ITPR1: variants seen among roughly 807,000 people sequenced by gnomAD.
ITPR1 encodes inositol 1,4,5-trisphosphate-gated calcium channel ITPR1.
ITPR1 carries 96 observed loss-of-function variants against 318.4 expected under a neutral mutation model. The ratio of observed to expected loss-of-function variants is 0.30; its 90% confidence interval spans 0.26 to 0.36. ITPR1 has a LOEUF of 0.36. Ranked by LOEUF, ITPR1 falls within the 10% of genes least tolerant of loss-of-function variation. The pLI is 1.00. For missense variants in ITPR1, 2,440 were observed against 3,460.2 expected (o/e 0.71, Z 7.40); for synonymous variants, 1,312 against 1,289.9 (o/e 1.02, Z -0.37).
chr3:4,811,478 T>C lies in ITPR1; in HGVS notation c.7468+18T>C, dbSNP rs745572215. The C allele has an allele frequency of 1.3e-6, 2 of 1,597,820 alleles. No homozygotes were observed. The highest frequency in any genetic ancestry group is 1.7e-6 in the Non-Finnish European group (2 of 1,168,574). On this transcript the variant is annotated intron_variant, in intron 56 of 61. Transcript: ENST00000649015. ...TGTTCCAGGTGGGTTTGGGATCTTC[T>C]GATCTTTTTAATGCTAAAAGATTAT...
In ITPR1 at chr3:4,818,069, G is replaced by A. The variant is rs374041765; in HGVS notation, c.7868-13G>A. ...GCTCAGCTGGGGCTGGGGGCTTTTTGTCTCATTTTTAGGCTTGGAAAGAGA... is the reference window on the plus strand; with the variant it reads ...GCTCAGCTGGGGCTGGGGGCTTTTTATCTCATTTTTAGGCTTGGAAAGAGA... On this transcript the variant is annotated splice_polypyrimidine_tract_variant and intron_variant, in intron 59 of 61. Transcript: ENST00000649015. 46 of 1,586,410 alleles carry A rather than the reference G, an allele frequency of 2.9e-5. No homozygotes were observed. Among genetic ancestry groups the A allele is most frequent in the Non-Finnish European group, 4.0e-5 (46 of 1,161,682 alleles).
At chr3:4,771,975 G>T (rs1181015848) in intron 46 of ITPR1, among the ~76,000 whole-genome samples, 1 of 152,164 alleles carries the variant, frequency 6.6e-6, no homozygotes. Flanking sequence ...CCAGGGTTCT[G>T]CAGGGCCCAG....
chr3:4,639,440 G>T lies in ITPR1; in HGVS notation c.336G>T (p.Gly112=), dbSNP rs765293787. 4 of 1,582,636 alleles carry T rather than the reference G, an allele frequency of 2.5e-6. No individual in the cohort carries two copies. Among genetic ancestry groups the T allele is most frequent in the Non-Finnish European group, 3.4e-6 (4 of 1,163,968 alleles). ...QNETENRKLL[G]TVIQYGNVIQ... Reference sequence around the variant, plus strand: ...AGACAGAAAACAGGAAATTGCTGGGGACCGTAATCCAGTATGGCAATGTGA... The same window carrying T: ...AGACAGAAAACAGGAAATTGCTGGGTACCGTAATCCAGTATGGCAATGTGA... The change falls in exon 6 of 62, where the codon GGG becomes GGT. Residue 112 remains glycine (G), a synonymous_variant. Coordinates refer to ENST00000649015, the MANE Select transcript of ITPR1 (RefSeq NM_001378452.1).
chr3:4,511,427 G>A (rs2081815755), intron 2 of ITPR1, among the ~76,000 whole-genome samples: 1 of 152,142 alleles, frequency 6.6e-6, no homozygotes, highest in South Asian at 2.1e-4. Context: ...GTGTCTCCCA[G>A]AGGCAGTGAT....
At position 4,516,471 on chromosome 3, in the gene ITPR1, T is replaced by A. The variant is rs1168410650; in HGVS notation, c.-16-5T>A. On this transcript the variant is annotated splice_polypyrimidine_tract_variant and splice_region_variant and intron_variant, in intron 2 of 61. Transcript: ENST00000649015. ...TAACAATGCTGCATATTTTACTTTG[T>A]CTAGGATTTTCAAGAAAGACATGTC... The A allele has an allele frequency of 7.1e-6, 10 of 1,409,814 alleles. No homozygotes were observed. Among genetic ancestry groups the A allele is most frequent in the Non-Finnish European group, 9.8e-6 (10 of 1,022,374 alleles). The allele number at this position is 1,409,814 out of a possible 1,614,324, so 87.3% of individuals were successfully genotyped here.
At chr3:4,635,569 T>A (rs1466488207) in intron 5 of ITPR1, among the ~76,000 whole-genome samples, 5 of 151,736 alleles carry the variant, frequency 3.3e-5, no homozygotes, top group Non-Finnish European at 5.9e-5. Flanking sequence ...ATGGTCTCGA[T>A]CTCCTGACCT....
intron 2 of ITPR1, among the ~76,000 whole-genome samples, chr3:4,499,841 T>C (rs1181365407): frequency 2.6e-5 from 4 of 152,218 alleles, no homozygotes; most frequent in African/African-American, 9.6e-5. Context: ...CTCACTATGT[T>C]GCCTCGGCTG....
Position 4,814,323 on chromosome 3 carries a change from G to A in ITPR1, c.7562-100G>A, listed in dbSNP as rs951219484. ...CTTGATTCCTTAATTTTATTCTTTC[G>A]TGTGCCTGGTGAGATGGCATTCAGG... On this transcript the variant is annotated intron_variant, in intron 57 of 61. Transcript: ENST00000649015. 34 of 1,237,626 alleles carry A rather than the reference G, an allele frequency of 2.7e-5. 1 individual carries two copies. The highest frequency in any genetic ancestry group is 6.0e-5 in the African/African-American group (4 of 66,970). The allele number at this position is 1,237,626 out of a possible 1,614,324, so 76.7% of individuals were successfully genotyped here.
At chr3:4,745,066 G>T (rs35798660) in intron 44 of ITPR1, among the ~76,000 whole-genome samples, 147,464 of 147,512 alleles carry the variant, frequency 1, 73,708 homozygotes, top group Middle Eastern at 1. Flanking sequence ...TTCTCTTTCT[G>T]TGTTTTCTTT....
intron 5 of ITPR1, among the ~76,000 whole-genome samples, chr3:4,632,411 A>G (rs2093042252): frequency 1.3e-5 from 2 of 152,180 alleles, no homozygotes; most frequent in African/African-American, 4.8e-5. Flanking sequence ...ACAGGAATAA[A>G]GTGGGCTTGG....
At chr3:4,697,717 G>T (rs960087318) in intron 34 of ITPR1, among the ~76,000 whole-genome samples, 1 of 151,976 alleles carries the variant, frequency 6.6e-6, no homozygotes, top group Non-Finnish European at 1.5e-5. Context: ...CTCCCAAAGT[G>T]CTAGGATTAG....
chr3:4,663,073 C>A lies in ITPR1; in HGVS notation c.1421C>A (p.Thr474Asn). Residue 474 changes from threonine to asparagine, a missense_variant, in exon 16 of 62, where the codon ACC becomes AAC. Physicochemically the swap from Thr to Asn is moderately conservative, Grantham distance 65 (BLOSUM62 0). Around this residue, in one of 23 missense-constraint regions of ITPR1, gnomAD observed 478 missense variants for 696.3 expected, o/e 0.69. Coordinates refer to ENST00000649015, the MANE Select transcript of ITPR1 (RefSeq NM_001378452.1). ...GCGTCTTTCCTCCTAAGGTCTGTAA[C>A]CAAGCTGCTAGAAGATTTGGTTTAC... ...TITQNERRSV[T>N]KLLEDLVYFV... 1 of 1,613,576 alleles carries A rather than the reference C, an allele frequency of 6.2e-7. No homozygotes were observed. The highest frequency in any genetic ancestry group is 8.5e-7 in the Non-Finnish European group (1 of 1,179,632).
chr3:4,618,197 T>C (rs551371007), intron 4 of ITPR1, among the ~76,000 whole-genome samples: 8 of 152,288 alleles, frequency 5.3e-5, no homozygotes, highest in African/African-American at 1.9e-4. Context: ...TTTAAAATGG[T>C]TAATTTTATA....
At chr3:4,677,087 C>T (rs1010980866) in intron 24 of ITPR1, among the ~76,000 whole-genome samples, 1 of 152,218 alleles carries the variant, frequency 6.6e-6, no homozygotes, top group African/African-American at 2.4e-5. Context: ...CTAGAATTCA[C>T]TTACCTCTGT....
At chr3:4,660,917 A>G (rs1575965620) in intron 13 of ITPR1, 71 bp from the exon 14 acceptor site, 1 of 716,236 alleles carries the variant, frequency 1.4e-6, no homozygotes, top group Non-Finnish European at 2.3e-6. Flanking sequence ...GATAGATTAT[A>G]TTCTAGACTA....
intron 3 of ITPR1, among the ~76,000 whole-genome samples, chr3:4,516,895 A>G (rs1380371845): frequency 1.3e-5 from 2 of 152,218 alleles, no homozygotes; most frequent in Non-Finnish European, 2.9e-5. Context: ...TTTAAATGGA[A>G]TAAAGTGTAA....
chr3:4,803,584 G>A (rs2048375613), intron 54 of ITPR1, among the ~76,000 whole-genome samples: 1 of 152,098 alleles, frequency 6.6e-6, no homozygotes, highest in East Asian at 1.9e-4. Flanking sequence ...TGTGGGGAGG[G>A]GAATGTAGGG....
chr3:4,668,629 A>G (rs2094004366), intron 18 of ITPR1, among the ~76,000 whole-genome samples: 1 of 152,004 alleles, frequency 6.6e-6, no homozygotes, highest in Admixed American at 6.6e-5. Flanking sequence ...CACCACACCC[A>G]GCTAATTTTT....
At chr3:4,513,347 C>T (rs975268797) in intron 2 of ITPR1, among the ~76,000 whole-genome samples, 2 of 152,176 alleles carry the variant, frequency 1.3e-5, no homozygotes, top group Non-Finnish European at 1.5e-5. Flanking sequence ...AAGGCGAGGC[C>T]GGAGGAGATC....
Sources: allele counts gnomAD v4.1 joint callset (sites outside exome capture counted in the v4.1 genomes callset), GRCh38; gene constraint gnomAD v4.1.1; regional missense constraint gnomAD v4.1.1; transcripts MANE v1.5; gene names NCBI Gene and HGNC (gene_info 2026-07-23, HGNC 2026-07-21).